The following EFCAB10 variants were observed in gnomAD, a reference collection of about 807,000 sequenced individuals.
The protein encoded by EFCAB10 is EF-hand calcium binding domain 10.
Under a neutral mutation model 7.7 loss-of-function variants are expected in EFCAB10, and 7 were observed. The observed-to-expected ratio is 0.91, with a 90% CI of 0.52 to 1.72. The LOEUF is 1.72. EFCAB10 is among the 40% of genes most tolerant of loss of function. The pLI, the probability that EFCAB10 is intolerant of heterozygous loss-of-function variation, is 0.00. For missense variants in EFCAB10, 112 were observed against 61.5 expected (o/e 1.82, Z -2.74); for synonymous variants, 52 against 21.0 (o/e 2.47, Z -4.03).
chr7:105,574,934 TAAAAAAAAAA>T (rs1209254689), intron 1 of EFCAB10, among the ~76,000 whole-genome samples: 1 of 103,568 alleles, frequency 9.7e-6, no homozygotes, highest in African/African-American at 3.3e-5. Context: ...TATCCCTACT[TAAAAAAAAAA>T]AAAAAAAAAA....
chr7:105,570,200 C>T (rs368705630), intron 1 of EFCAB10, among the ~76,000 whole-genome samples: 1 of 72,416 alleles, frequency 1.4e-5, no homozygotes, highest in African/African-American at 5.3e-5. Flanking sequence ...GGCAACAGAG[C>T]AAGACTCTCT....
rs1407696925 is a variant in EFCAB10, at chr7:105,576,812, G to C, written c.106+4546C>G. ...CTTACACCTGTAATCCAAGCACTTT[G>C]GGAGGTCAAGGTGAGAGGATCACTT... On this transcript the variant is annotated intron_variant, in intron 1 of 4. Transcript: ENST00000480514. Among the ~76,000 whole-genome samples the C allele has an allele frequency of 9.9e-5, 15 of 152,266 alleles. No individual in the cohort carries two copies. The East Asian group carries it at 2.7e-3, about 28-fold the overall frequency.
intron 1 of EFCAB10, among the ~76,000 whole-genome samples, chr7:105,570,493 GT>G (rs750517108): frequency 7.9e-5 from 12 of 151,604 alleles, no homozygotes; most frequent in Non-Finnish European, 1.3e-4. Context: ...GCCAAAAAGA[GT>G]AGTGATAGAG....
chr7:105,580,991 G>A (rs769479749), intron 1 of EFCAB10, among the ~76,000 whole-genome samples: 4 of 152,168 alleles, frequency 2.6e-5, no homozygotes, highest in Non-Finnish European at 4.4e-5. Context: ...GCGCCGAGGC[G>A]TGCAGATCAC....
rs973260783 is a variant in EFCAB10, at chr7:105,579,356, C to T, written c.106+2002G>A. Among the ~76,000 whole-genome samples the T allele has an allele frequency of 4.6e-5, 7 of 151,934 alleles. 1 individual carries two copies. The highest frequency in any genetic ancestry group is 6.8e-3 in the Middle Eastern group (2 of 294). Reference sequence around the variant, plus strand: ...GCAGGAAGACACACAGCTGGGGGTACGGGGTTTGGGTGGTGGTGGTGGGGG... The same window carrying T: ...GCAGGAAGACACACAGCTGGGGGTATGGGGTTTGGGTGGTGGTGGTGGGGG... On this transcript the variant is annotated intron_variant, in intron 1 of 4. Transcript: ENST00000480514.
At chr7:105,566,167 G>C (rs1287301705) in intron 4 of EFCAB10, among the ~76,000 whole-genome samples, 1 of 151,186 alleles carries the variant, frequency 6.6e-6, no homozygotes, top group Non-Finnish European at 1.5e-5. Flanking sequence ...AGTCCCACCT[G>C]CTTGGGAGGC....
In EFCAB10 at chr7:105,567,303, G is replaced by A. The variant is rs543042477; in HGVS notation, c.383+164C>T. On this transcript the variant is annotated intron_variant, in intron 4 of 4. Transcript: ENST00000480514. ...TTTGAGGACAAATTGGCCTAATACT[G>A]GAAAATAATGTCTTTCAGAAAAAGG... 25 of 1,586,660 alleles carry A rather than the reference G, an allele frequency of 1.6e-5. No homozygotes were observed. The South Asian group carries it at 2.8e-4, about 18-fold the overall frequency.
At chr7:105,578,221 G>A (rs1792135726) in intron 1 of EFCAB10, among the ~76,000 whole-genome samples, 2 of 152,152 alleles carry the variant, frequency 1.3e-5, no homozygotes, top group African/African-American at 4.8e-5. Flanking sequence ...CGGTTTGGAT[G>A]ATAACTCATA....
chr7:105,574,466 A>G (rs1792025005), intron 1 of EFCAB10, among the ~76,000 whole-genome samples: 1 of 151,546 alleles, frequency 6.6e-6, no homozygotes, highest in South Asian at 2.1e-4. Context: ...GCAGCAGGCA[A>G]AGAGAGACCT....
chr7:105,578,254 C>T (rs888918960), intron 1 of EFCAB10, among the ~76,000 whole-genome samples: 2 of 151,994 alleles, frequency 1.3e-5, no homozygotes, highest in African/African-American at 4.8e-5. Flanking sequence ...CCATAAAGAA[C>T]GACTAATGAA....
Position 105,566,742 on chromosome 7 carries a change from G to A in EFCAB10, c.383+725C>T, listed in dbSNP as rs539540179. 4 of 153,890 alleles carry A rather than the reference G, an allele frequency of 2.6e-5. No individual in the cohort carries two copies. The South Asian group carries it at 8.3e-4, about 32-fold the overall frequency. The allele number at this position is 153,890 out of a possible 1,614,324, so 9.5% of individuals were successfully genotyped here. ...AAGCTTATGTTTACACGTTTCATAG[G>A]ACTGTTTTTAAAATTTATTTTAATG... is the stretch of plus-strand genomic sequence containing the variant. On this transcript the variant is annotated intron_variant, in intron 4 of 4. Coordinates refer to ENST00000480514, the MANE Select transcript of EFCAB10 (RefSeq NM_001355526.2).
chr7:105,566,105 C>T (rs901542638), intron 4 of EFCAB10, among the ~76,000 whole-genome samples: 1 of 68,724 alleles, frequency 1.5e-5, no homozygotes, highest in Non-Finnish European at 2.9e-5. Flanking sequence ...CCCATCTCTA[C>T]TAAAAATACC....
intron 4 of EFCAB10, 71 bp from the exon 5 acceptor site, chr7:105,565,518 T>TTTTG (rs776469444): frequency 1.3e-5 from 21 of 1,609,910 alleles, no homozygotes; most frequent in Non-Finnish European, 8.5e-7. Context: ...TATGAATTAT[T>TTTTG]CTTTGTTTCA....
At chr7:105,577,096 C>A (rs1187150968) in intron 1 of EFCAB10, among the ~76,000 whole-genome samples, 1 of 151,046 alleles carries the variant, frequency 6.6e-6, no homozygotes, top group Non-Finnish European at 1.5e-5. Context: ...TTTAAAAAAA[C>A]AGCTACACTA....
chr7:105,565,448 C>T lies in EFCAB10; in HGVS notation c.*-1G>A, dbSNP rs747965842. On this transcript the variant is annotated splice_acceptor_variant, in intron 4 of 4. Coordinates refer to ENST00000480514, the MANE Select transcript of EFCAB10 (RefSeq NM_001355526.2). LOFTEE classifies it high-confidence loss of function. Reference sequence around the variant, plus strand: ...TTGTAGAGAAGCTGGATGTATACATCTACCAAGAAGTAAGTAAGAATAGAC... The same window carrying T: ...TTGTAGAGAAGCTGGATGTATACATTTACCAAGAAGTAAGTAAGAATAGAC... The T allele has an allele frequency of 5.6e-6, 9 of 1,613,816 alleles. No individual in the cohort carries two copies. Among genetic ancestry groups the T allele is most frequent in the South Asian group, 1.1e-5 (1 of 91,082 alleles).
In EFCAB10 at chr7:105,567,278, T is replaced by C. The variant is rs1586278867; in HGVS notation, c.383+189A>G. Reference sequence around the variant, plus strand: ...AACAAGATGTTGAGATTCTACTTAATTTGAGGACAAATTGGCCTAATACTG... The same window carrying C: ...AACAAGATGTTGAGATTCTACTTAACTTGAGGACAAATTGGCCTAATACTG... On this transcript the variant is annotated intron_variant, in intron 4 of 4. Transcript: ENST00000480514. 1 of 1,608,194 alleles carries C rather than the reference T, an allele frequency of 6.2e-7. No homozygotes were observed. The highest frequency in any genetic ancestry group is 8.5e-7 in the Non-Finnish European group (1 of 1,178,414).
intron 4 of EFCAB10, 98 bp downstream of exon 4, chr7:105,567,369 G>C (rs1252104534): frequency 6.0e-6 from 7 of 1,167,288 alleles, no homozygotes; most frequent in Non-Finnish European, 8.7e-6. Context: ...AAGCCAATTG[G>C]ATTTCAAGTT....
intron 1 of EFCAB10, among the ~76,000 whole-genome samples, chr7:105,580,845 T>A (rs1420463768): frequency 6.6e-6 from 1 of 152,110 alleles, no homozygotes; most frequent in African/African-American, 2.4e-5. Flanking sequence ...TGTAGGGGGT[T>A]CAGATGTGTA....
intron 1 of EFCAB10, chr7:105,571,999 A>C (rs1791959710): frequency 6.6e-6 from 1 of 152,188 alleles, no homozygotes; most frequent in Admixed American, 6.6e-5. Context: ...TTGAGAAATA[A>C]TTTTTAATCT....
Sources: gnomAD v4.1 joint callset for allele counts (sites outside exome capture counted in the v4.1 genomes callset) on GRCh38, gnomAD v4.1.1 for gene constraint, MANE v1.5 for transcripts, NCBI Gene and HGNC (gene_info 2026-07-23, HGNC 2026-07-21) for gene names.